The following ARID5B variants were observed in gnomAD, a reference collection of about 807,000 sequenced individuals.
The protein encoded by ARID5B is AT-rich interaction domain 5B, also known as AT-rich interactive domain-containing protein 5B.
In ARID5B, 13 loss-of-function variants were observed where a neutral mutation model predicts 97.2. The observed-to-expected ratio is 0.13, with a 90% CI of 0.09 to 0.21. The LOEUF is 0.21. Among genes scored for constraint, ARID5B ranks in the 10% least tolerant of loss-of-function variants. The pLI is 1.00. For missense variants in ARID5B, 1,210 were observed against 1,465.3 expected (o/e 0.83, Z 2.84); for synonymous variants, 556 against 570.3 (o/e 0.97, Z 0.36).
At chr10:61,925,841 C>T (rs942701925) in intron 2 of ARID5B, among the ~76,000 whole-genome samples, 1 of 152,160 alleles carries the variant, frequency 6.6e-6, no homozygotes, top group Non-Finnish European at 1.5e-5. Flanking sequence ...ACGCAAATGC[C>T]GTTGGCTATA....
At chr10:62,044,106 G>A (rs1564635044) in intron 4 of ARID5B, among the ~76,000 whole-genome samples, 1 of 151,756 alleles carries the variant, frequency 6.6e-6, no homozygotes, top group Non-Finnish European at 1.5e-5. Flanking sequence ...ACAAGCACTT[G>A]GATTCTGTGA....
Position 62,095,241 on chromosome 10 carries a change from G to A in ARID5B, c.*2211G>A, listed in dbSNP as rs972947691. 1.7e-5 allele frequency: 4 copies of A among 233,358 alleles called. No homozygotes were observed. The highest frequency in any genetic ancestry group is 6.6e-5 in the African/African-American group (3 of 45,296). The allele number at this position is 233,358 out of a possible 1,614,324, so 14.5% of individuals were successfully genotyped here. On this transcript the variant is annotated 3_prime_UTR_variant, in exon 10 of 10. Coordinates refer to ENST00000279873, the MANE Select transcript of ARID5B (RefSeq NM_032199.3). ...ATTCCAGCTGGCAAGATGCTAGCCA[G>A]GACACATATAAGAAAGTTGCACTAG...
chr10:62,061,366 G>T (rs550901394), intron 7 of ARID5B, among the ~76,000 whole-genome samples: 1 of 152,152 alleles, frequency 6.6e-6, no homozygotes. Flanking sequence ...ATCAAATAAG[G>T]GAAAATATAT....
chr10:62,002,802 C>T (rs995098854), intron 4 of ARID5B, among the ~76,000 whole-genome samples: 11 of 152,074 alleles, frequency 7.2e-5, no homozygotes, highest in Non-Finnish European at 1.0e-4. Flanking sequence ...GTCAGATTAC[C>T]GAGAGTGCCA....
chr10:61,918,269 C>T (rs1326675082), intron 2 of ARID5B, among the ~76,000 whole-genome samples: 1 of 152,186 alleles, frequency 6.6e-6, no homozygotes, highest in African/African-American at 2.4e-5. Flanking sequence ...ATTTACTCTG[C>T]CAGTTAGTAG....
At chr10:62,079,474 A>G (rs1840181223) in intron 8 of ARID5B, among the ~76,000 whole-genome samples, 1 of 152,204 alleles carries the variant, frequency 6.6e-6, no homozygotes, top group African/African-American at 2.4e-5. Context: ...GGCTGTTAAT[A>G]TTGTAATGCC....
chr10:61,993,455 T>C (rs1838954948), intron 3 of ARID5B, among the ~76,000 whole-genome samples: 1 of 152,226 alleles, frequency 6.6e-6, no homozygotes, highest in Admixed American at 6.5e-5. Context: ...CAGGAAATCA[T>C]TGAGTAACTG....
chr10:62,065,239 G>T (rs1346910133), intron 7 of ARID5B, among the ~76,000 whole-genome samples: 1 of 152,174 alleles, frequency 6.6e-6, no homozygotes, highest in Admixed American at 6.5e-5. Flanking sequence ...CACCTAGATT[G>T]GTTTGTTTTA....
intron 3 of ARID5B, among the ~76,000 whole-genome samples, chr10:61,996,385 T>C (rs1370712784): frequency 6.6e-6 from 1 of 152,150 alleles, no homozygotes; most frequent in Non-Finnish European, 1.5e-5. Context: ...TGAGACATTT[T>C]ATCCTAATGA....
At chr10:61,992,951 G>A (rs536376322) in intron 3 of ARID5B, among the ~76,000 whole-genome samples, 8 of 152,256 alleles carry the variant, frequency 5.3e-5, no homozygotes, top group South Asian at 4.1e-4. Context: ...TGTAATTTAC[G>A]TCACAGTTTG....
chr10:62,070,763 A>G (rs544354791), intron 8 of ARID5B, among the ~76,000 whole-genome samples: 2 of 152,358 alleles, frequency 1.3e-5, no homozygotes, highest in African/African-American at 4.8e-5. Flanking sequence ...GTTGTAATTC[A>G]GAAGGATTTT....
At chr10:61,952,053 A>G (rs1838331239) in intron 3 of ARID5B, among the ~76,000 whole-genome samples, 1 of 152,006 alleles carries the variant, frequency 6.6e-6, no homozygotes, top group African/African-American at 2.4e-5. Flanking sequence ...GTAGGGGGGG[A>G]TCGCTGGTTC....
chr10:62,061,069 A>G (rs970081075), intron 7 of ARID5B, among the ~76,000 whole-genome samples: 1 of 152,198 alleles, frequency 6.6e-6, no homozygotes, highest in Admixed American at 6.5e-5. Context: ...CTGACCACAT[A>G]TTTACTGAGT....
intron 3 of ARID5B, among the ~76,000 whole-genome samples, chr10:61,986,990 A>G (rs576627146): frequency 3.3e-5 from 5 of 152,232 alleles, no homozygotes; most frequent in African/African-American, 7.2e-5. Flanking sequence ...GAAAAGAACC[A>G]TGAAGACATC....
chr10:62,092,644 C>T lies in ARID5B; in HGVS notation c.3181C>T (p.His1061Tyr). 6.2e-7 allele frequency: 1 copy of T among 1,614,112 alleles called. No individual in the cohort carries two copies. Among genetic ancestry groups the T allele is most frequent in the Non-Finnish European group, 8.5e-7 (1 of 1,179,990 alleles). Reference sequence around the variant, plus strand: ...AGGCAGCAAAGCAGCGCACGGTGGGCATTCCGGGGGCGGATCAGAAGGCCA... The same window carrying T: ...AGGCAGCAAAGCAGCGCACGGTGGGTATTCCGGGGGCGGATCAGAAGGCCA... ...SEGSKAAHGG[H>Y]SGGGSEGHKL... is the part of the protein sequence containing the mutation. Residue 1061 changes from histidine (H) to tyrosine (Y), a missense_variant, in exon 10 of 10, where the codon CAT becomes TAT. His to Tyr is a moderately conservative substitution (Grantham distance 83). Around this residue, in one of 8 missense-constraint regions of ARID5B, gnomAD observed 800 missense variants for 839.1 expected, o/e 0.95. Transcript: ENST00000279873.
intron 5 of ARID5B, among the ~76,000 whole-genome samples, chr10:62,053,626 T>C (rs547100983): frequency 6.6e-6 from 1 of 152,268 alleles, no homozygotes; most frequent in South Asian, 2.1e-4. Context: ...ATAACAGAAA[T>C]CTTCATGGCA....
At chr10:61,924,021 GA>G (rs1325232417) in intron 2 of ARID5B, among the ~76,000 whole-genome samples, 1 of 152,214 alleles carries the variant, frequency 6.6e-6, no homozygotes, top group Non-Finnish European at 1.5e-5. Context: ...TCCCTCCTGT[GA>G]TTGTTTTGTC....
chr10:61,940,283 C>T lies in ARID5B; in HGVS notation c.377C>T (p.Ala126Val). 1 of 1,614,204 alleles carries T rather than the reference C, an allele frequency of 6.2e-7. No individual in the cohort carries two copies. The highest frequency in any genetic ancestry group is 8.5e-7 in the Non-Finnish European group (1 of 1,180,030). The change falls in exon 3 of 10, where the codon GCT becomes GTT. Residue 126 changes from alanine to valine, a missense_variant. Ala to Val is a moderately conservative substitution (Grantham distance 64, BLOSUM62 0). Transcript: ENST00000279873. The stretch of plus-strand genomic sequence containing the variant: ...TCCAAGTGGAGATGTGGCTTCCACG[C>T]TGGACCAGTGAAAACTGAGGCCTTG... ...DFSKWRCGFHAGPVKTEALGR... is the reference protein window; with the variant it reads ...DFSKWRCGFHVGPVKTEALGR...
intron 4 of ARID5B, chr10:62,049,264 C>T: frequency 7.1e-7 from 1 of 1,417,118 alleles, no homozygotes; most frequent in Non-Finnish European, 9.2e-7. Flanking sequence ...GCTCATCCCA[C>T]ACACTCGGTG....
Sources: gnomAD v4.1 joint callset for allele counts (sites outside exome capture counted in the v4.1 genomes callset) on GRCh38, gnomAD v4.1.1 for gene constraint, gnomAD v4.1.1 regional missense constraint, MANE v1.5 for transcripts, NCBI Gene and HGNC (gene_info 2026-07-23, HGNC 2026-07-21) for gene names.